MID1: variants seen among roughly 807,000 people sequenced by gnomAD.
MID1 encodes the protein E3 ubiquitin-protein ligase Midline-1.
A neutral mutation model predicts 40.4 loss-of-function variants in MID1; 7 were observed. The observed-to-expected ratio is 0.17, with a 90% CI of 0.10 to 0.33. The LOEUF is 0.33. Among genes scored for constraint, MID1 ranks in the 10% least tolerant of loss-of-function variants. MID1 has a pLI of 1.00. For synonymous variants in MID1, 229 were observed against 221.2 expected, an observed-to-expected ratio of 1.04 and a Z score of -0.31; for missense variants, 367 against 558.5, an observed-to-expected ratio of 0.66 and a Z score of 3.46.
intron 2 of MID1, among the ~76,000 whole-genome samples, chrX:10,544,058 C>T (rs1199539303): frequency 1.8e-5 from 2 of 111,565 alleles, no homozygotes; most frequent in South Asian, 3.8e-4. Flanking sequence ...CAGGGTTACA[C>T]GACTAGTGAT....
intron 3 of MID1, among the ~76,000 whole-genome samples, chrX:10,502,358 C>T (rs1244717445): frequency 3.6e-5 from 4 of 112,336 alleles, no homozygotes; most frequent in African/African-American, 1.3e-4. Context: ...GACACACTGA[C>T]TTGATATATC....
intron 3 of MID1, among the ~76,000 whole-genome samples, chrX:10,521,847 T>A (rs926207100): frequency 3.6e-5 from 4 of 111,823 alleles, no homozygotes; most frequent in African/African-American, 1.3e-4. Flanking sequence ...AATCTTTGTT[T>A]TTTCTTTTTT....
At chrX:10,505,970 G>A in intron 3 of MID1, 1 of 755,460 alleles carries the variant, frequency 1.3e-6, no homozygotes, top group Non-Finnish European at 1.6e-6. Flanking sequence ...TTGGTATTCC[G>A]TACAGTGAGT....
chrX:10,641,366 C>T (rs1458695408), intron 1 of MID1, among the ~76,000 whole-genome samples: 4 of 111,890 alleles, frequency 3.6e-5, no homozygotes, highest in Non-Finnish European at 5.6e-5. Context: ...GAAATACAAA[C>T]AACCATCAGA....
chrX:10,639,135 A>G (rs1207284166), intron 1 of MID1, among the ~76,000 whole-genome samples: 3 of 112,454 alleles, frequency 2.7e-5, no homozygotes, highest in Non-Finnish European at 5.6e-5. Context: ...CTTGCCAGCA[A>G]TGGAACAAAG....
At chrX:10,545,662 G>C in intron 2 of MID1, among the ~76,000 whole-genome samples, 1 of 111,962 alleles carries the variant, frequency 8.9e-6, no homozygotes. Context: ...TTAAAAGGGA[G>C]GGAAACATTC....
intron 1 of MID1, among the ~76,000 whole-genome samples, chrX:10,742,201 G>T (rs2043527265): frequency 9.0e-6 from 1 of 110,849 alleles, no homozygotes; most frequent in South Asian, 3.9e-4. Context: ...GACATGAGAT[G>T]ATCATATTTT....
At chrX:10,535,092 AAAG>A (rs1933191894) in intron 2 of MID1, among the ~76,000 whole-genome samples, 1 of 112,245 alleles carries the variant, frequency 8.9e-6, no homozygotes, top group Non-Finnish European at 1.9e-5. Context: ...TCATGGAAGG[AAAG>A]AAGATGAGGA....
At chrX:10,684,568 AT>A (rs747673638) in intron 1 of MID1, among the ~76,000 whole-genome samples, 81 of 97,575 alleles carry the variant, frequency 8.3e-4, no homozygotes, top group African/African-American at 2.1e-3. Flanking sequence ...CATGCCGGCT[AT>A]TTTTTTTTTT....
At chrX:10,722,456 A>T (rs1221321323) in intron 1 of MID1, among the ~76,000 whole-genome samples, 2 of 112,202 alleles carry the variant, frequency 1.8e-5, no homozygotes, top group Non-Finnish European at 3.8e-5. Context: ...AAAATCTAAG[A>T]CAAATAGGAA....
At chrX:10,617,360 A>G (rs1196542165) in intron 1 of MID1, among the ~76,000 whole-genome samples, 2 of 112,246 alleles carry the variant, frequency 1.8e-5, no homozygotes, top group East Asian at 5.6e-4. Context: ...GAAGACTTTC[A>G]TTATTAAGCC....
intron 1 of MID1, among the ~76,000 whole-genome samples, chrX:10,798,532 C>G (rs1187505576): frequency 8.9e-6 from 1 of 111,789 alleles, no homozygotes; most frequent in Admixed American, 9.5e-5. Context: ...CATTTTGCTT[C>G]TGTTATTAAA....
chrX:10,683,319 G>A (rs1211543116), intron 1 of MID1, among the ~76,000 whole-genome samples: 1 of 111,591 alleles, frequency 9.0e-6, no homozygotes, highest in Non-Finnish European at 1.9e-5. Context: ...GCTAAAGCAG[G>A]AGGATCACTT....
intron 1 of MID1, among the ~76,000 whole-genome samples, chrX:10,724,593 GA>G (rs1315170414): frequency 8.9e-6 from 1 of 112,056 alleles, no homozygotes; most frequent in Non-Finnish European, 1.9e-5. Context: ...TTCCCAACCG[GA>G]AAAAACTCTA....
chrX:10,611,683 A>G (rs778807612), intron 1 of MID1, among the ~76,000 whole-genome samples: 1 of 111,744 alleles, frequency 8.9e-6, no homozygotes, highest in South Asian at 3.8e-4. Context: ...GGCATCTTAG[A>G]TTGTTTTGTT....
chrX:10,525,793 G>C (rs779644387), intron 2 of MID1, among the ~76,000 whole-genome samples: 1 of 111,918 alleles, frequency 8.9e-6, no homozygotes, highest in Non-Finnish European at 1.9e-5. Flanking sequence ...TTCCCTTTGA[G>C]TCCAGTCTAT....
At chrX:10,749,946 C>T (rs1423525966) in intron 1 of MID1, among the ~76,000 whole-genome samples, 1 of 111,416 alleles carries the variant, frequency 9.0e-6, no homozygotes, top group Non-Finnish European at 1.9e-5. Context: ...GACACATATC[C>T]AAACTATATC....
chrX:10,723,012 T>C (rs2043367924), intron 1 of MID1, among the ~76,000 whole-genome samples: 1 of 110,914 alleles, frequency 9.0e-6, no homozygotes, highest in Non-Finnish European at 1.9e-5. Flanking sequence ...GTGAGTTTTC[T>C]ACTGGGCCTG....
At chrX:10,605,674 A>T (rs1935611431) in intron 1 of MID1, among the ~76,000 whole-genome samples, 1 of 111,771 alleles carries the variant, frequency 8.9e-6, no homozygotes, top group South Asian at 3.7e-4. Flanking sequence ...ATTATTTGCC[A>T]TGCTATGAAA....
Sources: gnomAD v4.1 joint callset for allele counts (sites outside exome capture counted in the v4.1 genomes callset) on GRCh38, gnomAD v4.1.1 for gene constraint, MANE v1.5 for transcripts, NCBI Gene and HGNC (gene_info 2026-07-23, HGNC 2026-07-21) for gene names.